The following ATP2B2 variants were observed in gnomAD, a reference collection of about 807,000 sequenced individuals.
ATP2B2 encodes the protein plasma membrane calcium-transporting ATPase 2.
In ATP2B2, 15 loss-of-function variants were observed where a neutral mutation model predicts 120.0. That is an observed-to-expected ratio of 0.12 (90% CI 0.08 to 0.19). The LOEUF is 0.19. Among genes scored for constraint, ATP2B2 ranks in the 10% least tolerant of loss-of-function variants. The probability of loss-of-function intolerance (pLI) is 1.00; values close to 1 mark genes in which losing one functional copy is unlikely to be tolerated. For missense variants in ATP2B2, 1,045 were observed against 1,719.8 expected, an observed-to-expected ratio of 0.61 and a Z score of 6.94; for synonymous variants, 694 against 700.3, an observed-to-expected ratio of 0.99 and a Z score of 0.14.
intron 1 of ATP2B2, among the ~76,000 whole-genome samples, chr3:10,662,667 T>G (rs926943844): frequency 1.7e-4 from 26 of 151,976 alleles, no homozygotes; most frequent in Admixed American, 4.6e-4. Flanking sequence ...GTTCATCTAT[T>G]GTGGAAGACT....
chr3:10,555,290 C>T (rs933833979), intron 2 of ATP2B2, among the ~76,000 whole-genome samples: 26 of 152,248 alleles, frequency 1.7e-4, no homozygotes, highest in Non-Finnish European at 3.2e-4. Context: ...AATCTGAGGG[C>T]TTCATTCCCA....
intron 22 of ATP2B2, among the ~76,000 whole-genome samples, chr3:10,337,401 A>T (rs891625092): frequency 2.6e-5 from 4 of 152,150 alleles, no homozygotes; most frequent in Admixed American, 1.3e-4. Flanking sequence ...AGACCCACAG[A>T]GTCCCTTCTG....
chr3:10,459,892 C>A (rs1257945528), intron 1 of ATP2B2, among the ~76,000 whole-genome samples: 2 of 152,232 alleles, frequency 1.3e-5, no homozygotes, highest in African/African-American at 4.8e-5. Context: ...GCAGGGCCAG[C>A]CCTCTCTCAT....
Position 10,676,328 on chromosome 3 carries a change from C to G in ATP2B2, c.-460+31587G>C, listed in dbSNP as rs553451821. ...ATTTCTCCTGACAGGGATGGGGTGC[C>G]ACTGAGCCTTGAGGAACTCTGTGGC... On this transcript the variant is annotated intron_variant, in intron 1 of 21. Transcript: ENST00000646379. Among the ~76,000 whole-genome samples the G allele has an allele frequency of 2.4e-4, 37 of 152,290 alleles. 1 individual carries two copies. In the South Asian group the frequency reaches 3.7e-3, roughly 15 times the overall value.
chr3:10,440,538 C>T (rs1177341195), intron 2 of ATP2B2, among the ~76,000 whole-genome samples: 1 of 152,188 alleles, frequency 6.6e-6, no homozygotes, highest in Non-Finnish European at 1.5e-5. Flanking sequence ...CCTCACTGTT[C>T]CCTGTACACA....
At chr3:10,450,771 G>A (rs533103248) in intron 1 of ATP2B2, among the ~76,000 whole-genome samples, 8 of 152,276 alleles carry the variant, frequency 5.3e-5, no homozygotes, top group Admixed American at 2.0e-4. Context: ...CTCCCTGCCC[G>A]CCCGGCCACC....
intron 2 of ATP2B2, among the ~76,000 whole-genome samples, chr3:10,579,845 C>CAAAACAAA (rs137955154): frequency 6.6e-6 from 1 of 150,498 alleles, no homozygotes; most frequent in Non-Finnish European, 1.5e-5. Context: ...CAAAACAAAA[C>CAAAACAAA]AAAGAAACAG....
intron 2 of ATP2B2, among the ~76,000 whole-genome samples, chr3:10,617,805 G>A (rs1447673082): frequency 1.3e-5 from 2 of 152,192 alleles, no homozygotes; most frequent in Non-Finnish European, 2.9e-5. Context: ...GAGTGTGCAG[G>A]ACCAGGAAGA....
chr3:10,619,946 C>G (rs975354284), exon 2 of ATP2B2: 1 of 152,154 alleles, frequency 6.6e-6, no homozygotes, highest in Non-Finnish European at 1.5e-5. Context: ...AGTCCACGCT[C>G]TAAGTACAGG....
At chr3:10,350,739 C>A (rs1022786396) in intron 14 of ATP2B2, among the ~76,000 whole-genome samples, 162 bp from the exon 15 acceptor site, 3 of 152,258 alleles carry the variant, frequency 2.0e-5, no homozygotes, top group African/African-American at 7.2e-5. Context: ...GCCACAGCCT[C>A]CCTTCCTGTG....
Position 10,410,672 on chromosome 3 carries a change from C to T in ATP2B2, c.343G>A (p.Ala115Thr), listed in dbSNP as rs760746487. The change falls in exon 3 of 23, where the codon GCC becomes ACC. Residue 115 changes from alanine to threonine, a missense_variant. By Grantham distance (58) the Ala-to-Thr change is moderately conservative (BLOSUM62 0). Coordinates refer to ENST00000360273, the MANE Select transcript of ATP2B2 (RefSeq NM_001001331.4). ...AAGGACAGCCCCAGGGAGATGATGG[C>T]GGCAATCTCCAGGATGATGAGCGTC... The part of the protein sequence containing the change: ...DVTLIILEIA[A>T]IISLGLSFYH... The T allele has an allele frequency of 6.2e-7, 1 of 1,613,914 alleles. No individual in the cohort carries two copies. The highest frequency in any genetic ancestry group is 8.5e-7 in the Non-Finnish European group (1 of 1,179,862).
chr3:10,509,377 A>G (rs549819792), upstream of ATP2B2, among the ~76,000 whole-genome samples: 25 of 152,250 alleles, frequency 1.6e-4, 1 homozygote, highest in East Asian at 4.1e-3. Context: ...TGCTGCCCCA[A>G]AGAGCTGTCA....
intron 1 of ATP2B2, among the ~76,000 whole-genome samples, chr3:10,482,877 C>T (rs1270274317): frequency 6.6e-6 from 1 of 152,258 alleles, no homozygotes; most frequent in Non-Finnish European, 1.5e-5. Flanking sequence ...TGCATGAGGG[C>T]CCTGCCCATC....
chr3:10,332,092 C>A, intron 22 of ATP2B2: 1 of 1,493,240 alleles, frequency 6.7e-7, no homozygotes, highest in Admixed American at 2.0e-5. Context: ...AGGGTTCCCC[C>A]CACAAAGCAA....
intron 2 of ATP2B2, among the ~76,000 whole-genome samples, chr3:10,541,447 T>A (rs527619249): frequency 2.0e-5 from 3 of 152,328 alleles, no homozygotes; most frequent in South Asian, 4.1e-4. Flanking sequence ...GTTCCACAAA[T>A]CTTGATAGGT....
chr3:10,622,663 C>A (rs185060398), intron 1 of ATP2B2, among the ~76,000 whole-genome samples: 2 of 152,136 alleles, frequency 1.3e-5, no homozygotes, highest in African/African-American at 4.8e-5. Context: ...TGCAGGTGAC[C>A]GCACTTCTCA....
intron 1 of ATP2B2, among the ~76,000 whole-genome samples, chr3:10,468,661 G>C (rs949507041): frequency 7.2e-5 from 11 of 152,260 alleles, no homozygotes; most frequent in Non-Finnish European, 1.3e-4. Context: ...TGGCTCCAAG[G>C]GGACAAGTGA....
chr3:10,364,956 C>T (rs527910237), intron 12 of ATP2B2, among the ~76,000 whole-genome samples: 1 of 152,308 alleles, frequency 6.6e-6, no homozygotes, highest in South Asian at 2.1e-4. Flanking sequence ...CCCGTTTCCC[C>T]AAATGCCTTC....
At chr3:10,702,684 T>C (rs1326101232) in intron 1 of ATP2B2, among the ~76,000 whole-genome samples, 1 of 152,196 alleles carries the variant, frequency 6.6e-6, no homozygotes. Context: ...TCTTTGGTCA[T>C]TTTCCTAAGT....
Sources: allele counts gnomAD v4.1 joint callset (sites outside exome capture counted in the v4.1 genomes callset), GRCh38; gene constraint gnomAD v4.1.1; transcripts MANE v1.5; gene names NCBI Gene and HGNC (gene_info 2026-07-23, HGNC 2026-07-21).